SOBP: variants seen among roughly 807,000 people sequenced by gnomAD.
The protein encoded by SOBP is sine oculis binding protein homolog, also known as sine oculis-binding protein homolog.
In SOBP, 4 loss-of-function variants were observed where a neutral mutation model predicts 53.6. That is an observed-to-expected ratio of 0.07 (90% CI 0.04 to 0.17). SOBP has a LOEUF of 0.17. Ranked by LOEUF, SOBP falls within the 10% of genes least tolerant of loss-of-function variation. The probability of loss-of-function intolerance (pLI) is 1.00; values close to 1 mark genes in which losing one functional copy is unlikely to be tolerated. For synonymous variants in SOBP, 584 were observed against 522.6 expected, an observed-to-expected ratio of 1.12 and a Z score of -1.60; for missense variants, 1,088 against 1,204.7, an observed-to-expected ratio of 0.90 and a Z score of 1.43.
In SOBP at chr6:107,490,540, C is replaced by T. The variant is rs1274905806; in HGVS notation, c.-77C>T. On this transcript the variant is annotated 5_prime_UTR_variant, in exon 1 of 7. Transcript: ENST00000317357. ...CTCGCCACCATCAGCACCACCTCCACCGCCGCCGCCGCCGCCACCACCACC... is the reference window on the plus strand; with the variant it reads ...CTCGCCACCATCAGCACCACCTCCATCGCCGCCGCCGCCGCCACCACCACC... 1 of 1,029,080 alleles carries T rather than the reference C, an allele frequency of 9.7e-7. No homozygotes were observed. The highest frequency in any genetic ancestry group is 2.8e-5 in the East Asian group (1 of 35,776). 63.7% of individuals were successfully genotyped at this position (1,029,080 alleles called of 1,614,324 possible). A position where few individuals can be genotyped will look rare whatever the true frequency, so the allele number is the denominator to read the frequency against.
At chr6:107,515,591 A>G (rs1159150532) in intron 3 of SOBP, among the ~76,000 whole-genome samples, 1 of 152,154 alleles carries the variant, frequency 6.6e-6, no homozygotes, top group Non-Finnish European at 1.5e-5. Flanking sequence ...TCTACTAAAA[A>G]TACTAAAATA....
intron 4 of SOBP, among the ~76,000 whole-genome samples, chr6:107,576,907 A>G (rs968791687): frequency 6.6e-6 from 1 of 152,194 alleles, no homozygotes; most frequent in Non-Finnish European, 1.5e-5. Flanking sequence ...ACAAATAACA[A>G]TTGTGACATC....
rs1358334225 is a variant in SOBP at position 107,591,230 on chromosome 6, A to G, written c.669+4055A>G. Among the ~76,000 whole-genome samples the G allele has an allele frequency of 2.0e-5, 3 of 152,214 alleles. No individual in the cohort carries two copies. The East Asian group carries it at 5.8e-4, about 29-fold the overall frequency. ...AGATCTTTTGTAAAATGTGATAATA[A>G]AAGGAAATAACCTCAGAGCATATCA... On this transcript the variant is annotated intron_variant, in intron 5 of 6. Coordinates refer to ENST00000317357, the MANE Select transcript of SOBP (RefSeq NM_018013.4).
chr6:107,573,901 G>A (rs187915233), intron 4 of SOBP, among the ~76,000 whole-genome samples: 92 of 152,276 alleles, frequency 6.0e-4, no homozygotes, highest in African/African-American at 2.1e-3. Context: ...TGTTATCATT[G>A]AACTTAAAAA....
intron 6 of SOBP, among the ~76,000 whole-genome samples, chr6:107,640,871 G>C (rs2115162286): frequency 6.6e-6 from 1 of 152,176 alleles, no homozygotes; most frequent in Non-Finnish European, 1.5e-5. Flanking sequence ...ACCCACTCAG[G>C]GTCATGCTAG....
At chr6:107,566,311 T>C (rs780689588) in intron 4 of SOBP, among the ~76,000 whole-genome samples, 263 of 152,350 alleles carry the variant, frequency 1.7e-3, no homozygotes, top group Non-Finnish European at 2.1e-3. Flanking sequence ...GTGGATGAGA[T>C]ACTTGATTGT....
At chr6:107,526,984 C>T (rs1046424903) in intron 3 of SOBP, among the ~76,000 whole-genome samples, 3 of 152,204 alleles carry the variant, frequency 2.0e-5, no homozygotes, top group Admixed American at 2.0e-4. Context: ...TTAGGTACTA[C>T]AAAGACTCAT....
At chr6:107,510,850 C>T (rs1322137509) in intron 3 of SOBP, 1 of 152,144 alleles carries the variant, frequency 6.6e-6, no homozygotes, top group Non-Finnish European at 1.5e-5. Context: ...TTAGAGTTGA[C>T]TGTATCATGC....
At chr6:107,615,814 A>C (rs112249318) in intron 5 of SOBP, among the ~76,000 whole-genome samples, 3,604 of 151,992 alleles carry the variant, frequency 0.024, 53 homozygotes, top group Non-Finnish European at 0.039. Context: ...GAAGATGACT[A>C]GTTAGAGACC....
intron 4 of SOBP, among the ~76,000 whole-genome samples, chr6:107,548,391 C>G (rs569952843): frequency 1.3e-5 from 2 of 151,718 alleles, no homozygotes; most frequent in African/African-American, 2.4e-5. Flanking sequence ...TACAGGCGCC[C>G]GCCACCATGC....
At position 107,532,558 on chromosome 6, in the gene SOBP, C is replaced by T. The variant is rs77615349; in HGVS notation, c.422-901C>T. On this transcript the variant is annotated intron_variant, in intron 3 of 6. Coordinates refer to ENST00000317357, the MANE Select transcript of SOBP (RefSeq NM_018013.4). ...TTTTAAGCAGTAGTATTTGTGATATCATGGGCTCATTATGCTAGTTAAATT... is the reference window on the plus strand; with the variant it reads ...TTTTAAGCAGTAGTATTTGTGATATTATGGGCTCATTATGCTAGTTAAATT... Among the ~76,000 whole-genome samples the T allele has an allele frequency of 9.8e-3, 1,489 of 152,248 alleles. 10 individuals are homozygous for T. Among genetic ancestry groups the T allele is most frequent in the Middle Eastern group, 0.024 (7 of 294 alleles).
At chr6:107,582,049 A>G (rs1426466549) in intron 4 of SOBP, among the ~76,000 whole-genome samples, 1 of 152,226 alleles carries the variant, frequency 6.6e-6, no homozygotes, top group Non-Finnish European at 1.5e-5. Context: ...ATGACACAGA[A>G]GTGTAAACTC....
chr6:107,531,242 G>T (rs147674607), intron 3 of SOBP, among the ~76,000 whole-genome samples: 35 of 152,350 alleles, frequency 2.3e-4, no homozygotes, highest in Admixed American at 1.8e-3. Flanking sequence ...TCCTTGGGAA[G>T]TGGGGTCTCC....
chr6:107,490,245 G>C lies in SOBP; in HGVS notation c.-372G>C, dbSNP rs1342404731. Reference sequence around the variant, plus strand: ...GGCTGACGACTCCACGGGGCCCCGAGGATGCGGCCCGGCGGCGGCGGCGGC... The same window carrying C: ...GGCTGACGACTCCACGGGGCCCCGACGATGCGGCCCGGCGGCGGCGGCGGC... On this transcript the variant is annotated 5_prime_UTR_variant, in exon 1 of 7. Transcript: ENST00000317357. The C allele has an allele frequency of 6.7e-6, 1 of 148,986 alleles. No homozygotes were observed. Among genetic ancestry groups the C allele is most frequent in the Non-Finnish European group, 1.5e-5 (1 of 66,652 alleles). 9.2% of individuals were successfully genotyped at this position (148,986 alleles called of 1,614,324 possible).
chr6:107,565,564 A>G (rs534217178), intron 4 of SOBP, among the ~76,000 whole-genome samples: 2 of 152,214 alleles, frequency 1.3e-5, no homozygotes, highest in East Asian at 3.9e-4. Context: ...CACTTCCCAT[A>G]TGGTCATCTG....
intron 4 of SOBP, among the ~76,000 whole-genome samples, chr6:107,534,094 C>G (rs980000215): frequency 2.0e-5 from 3 of 152,196 alleles, no homozygotes; most frequent in African/African-American, 7.2e-5. Flanking sequence ...TCAAGTCTCT[C>G]TTGACATCTT....
At chr6:107,514,547 T>C (rs532096324) in intron 3 of SOBP, 1 of 152,350 alleles carries the variant, frequency 6.6e-6, no homozygotes, top group African/African-American at 2.4e-5. Context: ...TTTAGTGTGT[T>C]CTATCATTTT....
At chr6:107,559,206 T>G (rs1221967816) in intron 4 of SOBP, among the ~76,000 whole-genome samples, 1 of 152,168 alleles carries the variant, frequency 6.6e-6, no homozygotes, top group Admixed American at 6.5e-5. Flanking sequence ...AAAAAAAAGC[T>G]AGCTTATAAA....
intron 5 of SOBP, among the ~76,000 whole-genome samples, chr6:107,591,965 G>GGT (rs1785764640): frequency 1.1e-5 from 1 of 93,844 alleles, no homozygotes; most frequent in South Asian, 3.9e-4. Flanking sequence ...TTGGTCTTTT[G>GGT]GTGTTTTTTT....
Sources: allele counts gnomAD v4.1 joint callset (sites outside exome capture counted in the v4.1 genomes callset), GRCh38; gene constraint gnomAD v4.1.1; transcripts MANE v1.5; gene names NCBI Gene and HGNC (gene_info 2026-07-23, HGNC 2026-07-21).